The following TRIM13 variants were observed in gnomAD, a reference collection of about 807,000 sequenced individuals.
The protein encoded by TRIM13 is tripartite motif containing 13.
A neutral mutation model predicts 27.1 loss-of-function variants in TRIM13; 15 were observed. The observed-to-expected ratio is 0.55, with a 90% confidence interval of 0.37 to 0.85. The LOEUF is 0.85. TRIM13 is among the 40% of genes least tolerant of loss of function. The pLI is 0.00. For synonymous variants in TRIM13, 193 were observed against 171.5 expected, an observed-to-expected ratio of 1.13 and a Z score of -0.98; for missense variants, 402 against 472.2, an observed-to-expected ratio of 0.85 and a Z score of 1.38.
chr13:50,014,632 CAA>C lies in TRIM13; in HGVS notation c.*1469_*1470del, dbSNP rs921671895. 1.6e-4 allele frequency: 27 copies of C among 166,800 alleles called. No individual in the cohort carries two copies. Among genetic ancestry groups the C allele is most frequent in the African/African-American group, 5.3e-4 (22 of 41,484 alleles). 10.3% of individuals were successfully genotyped at this position (166,800 alleles called of 1,614,324 possible). The stretch of plus-strand genomic sequence containing the variant: ...ACACTAATGCTGTTCTGTCTGCTCA[CAA>C]GAGATAAAGATACCCTCTCATGGAA... On this transcript the variant is annotated 3_prime_UTR_variant, in exon 2 of 2. Transcript: ENST00000378182.
In TRIM13 at chr13:50,015,374, G is replaced by C; in HGVS notation, c.*2210G>C. 1 of 764,824 alleles carries C rather than the reference G, an allele frequency of 1.3e-6. No individual in the cohort carries two copies. The highest frequency in any genetic ancestry group is 2.2e-6 in the Non-Finnish European group (1 of 459,018). The allele number at this position is 764,824 out of a possible 1,614,324, so 47.4% of individuals were successfully genotyped here. On this transcript the variant is annotated 3_prime_UTR_variant, in exon 2 of 2. Transcript: ENST00000378182. ...GTAGTTTCCTGGGAATCTAAGTCTG[G>C]TTTTTGTTATTCTTCCCTCCCCTCC...
intron 1 of TRIM13, among the ~76,000 whole-genome samples, chr13:50,006,799 A>G (rs934696579): frequency 3.9e-5 from 6 of 152,158 alleles, no homozygotes; most frequent in Admixed American, 3.9e-4. Flanking sequence ...TTTTTGCAAT[A>G]TGACACTAAA....
chr13:50,001,380 G>T (rs1367279714), intron 1 of TRIM13, among the ~76,000 whole-genome samples: 3 of 151,444 alleles, frequency 2.0e-5, no homozygotes, highest in Non-Finnish European at 4.4e-5. Flanking sequence ...GTTTTTCTTA[G>T]TGCTCTGAAC....
chr13:50,003,109 C>T (rs1874253529), intron 1 of TRIM13, among the ~76,000 whole-genome samples: 1 of 151,692 alleles, frequency 6.6e-6, no homozygotes, highest in Non-Finnish European at 1.5e-5. Flanking sequence ...TTTTAATGAG[C>T]CATTTTATTA....
At chr13:50,009,623 G>C (rs1324302912) in intron 1 of TRIM13, among the ~76,000 whole-genome samples, 1 of 151,622 alleles carries the variant, frequency 6.6e-6, no homozygotes, top group African/African-American at 2.4e-5. Context: ...TGTAGGCCCA[G>C]CTACTTGGGA....
intron 1 of TRIM13, among the ~76,000 whole-genome samples, chr13:50,011,097 T>G (rs978948741): frequency 1.3e-5 from 2 of 152,244 alleles, no homozygotes; most frequent in South Asian, 2.1e-4. Context: ...CAGCGCTTCT[T>G]ACAGCTTTGC....
At position 50,015,119 on chromosome 13, in the gene TRIM13, A is replaced by AT. The variant is rs1876343492; in HGVS notation, c.*1956dup. 4 of 27,968 alleles carry AT rather than the reference A, an allele frequency of 1.4e-4. 1 individual carries two copies. The highest frequency in any genetic ancestry group is 3.2e-4 in the African/African-American group (3 of 9,416). The allele number at this position is 27,968 out of a possible 1,614,324, so 1.7% of individuals were successfully genotyped here. On this transcript the variant is annotated 3_prime_UTR_variant, in exon 2 of 2. Coordinates refer to ENST00000378182, the MANE Select transcript of TRIM13 (RefSeq NM_213590.3). Reference sequence around the variant, plus strand: ...AATATATATATATATATATATATATATATATATATATATATATATATATAT... The same window carrying AT: ...AATATATATATATATATATATATATATTATATATATATATATATATATATAT...
At chr13:50,010,725 A>G (rs1875524475) in intron 1 of TRIM13, among the ~76,000 whole-genome samples, 1 of 152,230 alleles carries the variant, frequency 6.6e-6, no homozygotes, top group African/African-American at 2.4e-5. Context: ...AGCAAGAGAT[A>G]CTGTCAATTG....
Position 50,015,139 on chromosome 13 carries a change from A to ATTATATATATATATATATAT in TRIM13, c.*1976_*1977insTATATATATATATATATATT, listed in dbSNP as rs1344021121. On this transcript the variant is annotated 3_prime_UTR_variant, in exon 2 of 2. Transcript: ENST00000378182. ...TATATATATATATATATATATATAT[A>ATTATATATATATATATATAT]TATATATATATAGTTTTACTAGGTT... 9.8e-6 allele frequency: 1 copy of ATTATATATATATATATATAT among 102,050 alleles called. No homozygotes were observed. Among genetic ancestry groups the ATTATATATATATATATATAT allele is most frequent in the Non-Finnish European group, 2.0e-5 (1 of 49,646 alleles). The allele number at this position is 102,050 out of a possible 1,614,324, so 6.3% of individuals were successfully genotyped here. A position where few individuals can be genotyped will look rare whatever the true frequency, so the allele number is the denominator to read the frequency against.
chr13:50,008,869 GA>G (rs917491783), intron 1 of TRIM13, among the ~76,000 whole-genome samples: 90 of 147,242 alleles, frequency 6.1e-4, no homozygotes, highest in African/African-American at 1.8e-3. Flanking sequence ...AAACTACAAA[GA>G]AAAAAAAAAT....
intron 1 of TRIM13, among the ~76,000 whole-genome samples, chr13:50,002,868 G>A (rs1174231530): frequency 1.3e-5 from 2 of 151,952 alleles, no homozygotes; most frequent in African/African-American, 4.8e-5. Flanking sequence ...TCACCATCTT[G>A]GCCAGGCTGA....
chr13:50,000,503 C>G (rs1873894737), intron 1 of TRIM13, among the ~76,000 whole-genome samples: 1 of 152,116 alleles, frequency 6.6e-6, no homozygotes. Context: ...AGAACAAACC[C>G]ATAAATGAGC....
At chr13:50,003,174 A>G (rs1409963609) in intron 1 of TRIM13, among the ~76,000 whole-genome samples, 2 of 152,228 alleles carry the variant, frequency 1.3e-5, no homozygotes, top group African/African-American at 4.8e-5. Flanking sequence ...AAAGCTTAGC[A>G]TAATTTAATG....
At chr13:50,002,904 AC>A (rs1256436675) in intron 1 of TRIM13, among the ~76,000 whole-genome samples, 1 of 152,062 alleles carries the variant, frequency 6.6e-6, no homozygotes, top group African/African-American at 2.4e-5. Context: ...CTCATGATCC[AC>A]CTGGCTCAGC....
In TRIM13 at chr13:50,012,273, G is replaced by A; in HGVS notation, c.333G>A (p.Gln111=). 6.2e-7 allele frequency: 1 copy of A among 1,614,172 alleles called. No homozygotes were observed. The highest frequency in any genetic ancestry group is 1.1e-5 in the South Asian group (1 of 91,078). The change falls in exon 2 of 2, where the codon CAG becomes CAA. Residue 111 remains glutamine, a synonymous_variant. Coordinates refer to ENST00000378182, the MANE Select transcript of TRIM13 (RefSeq NM_213590.3). ...ACATTTTCTGCCTGACTGATATGCA[G>A]CTGATTTGTGGGATCTGTGCTACTC... ...PLNIFCLTDM[Q]LICGICATRG... is the part of the protein sequence containing the mutation.
chr13:49,999,392 C>T (rs746728888), intron 1 of TRIM13, among the ~76,000 whole-genome samples: 4 of 152,124 alleles, frequency 2.6e-5, no homozygotes, highest in South Asian at 2.1e-4. Context: ...TATTTCTCAG[C>T]GTGAGGAACC....
intron 1 of TRIM13, among the ~76,000 whole-genome samples, chr13:50,009,539 C>G (rs903485673): frequency 6.6e-6 from 1 of 152,030 alleles, no homozygotes; most frequent in Non-Finnish European, 1.5e-5. Flanking sequence ...GAGTTCAAGA[C>G]CAGCCTGGCC....
Position 50,012,392 on chromosome 13 carries a change from C to A in TRIM13, c.452C>A (p.Thr151Asn). ...GAGTCCCTCTTCCAGAGCTTTGAGA[C>A]CTGGCGTCGGGGAGATGCTCTTTCT... ...AFESLFQSFE[T>N]WRRGDALSRL... Residue 151 changes from threonine to asparagine, a missense_variant, in exon 2 of 2, where the codon ACC becomes AAC. This residue lies in a region of TRIM13 where 202 missense variants were observed against 277.5 expected (regional missense o/e 0.73). Transcript: ENST00000378182. The A allele has an allele frequency of 1.2e-6, 2 of 1,614,100 alleles. No individual in the cohort carries two copies. The highest frequency in any genetic ancestry group is 2.2e-5 in the South Asian group (2 of 91,084).
intron 1 of TRIM13, among the ~76,000 whole-genome samples, chr13:50,007,779 TC>T (rs1874976104): frequency 2.0e-5 from 1 of 48,848 alleles, no homozygotes; most frequent in African/African-American, 5.4e-5. Flanking sequence ...TGAGACTTAG[TC>T]TCAAAAAAAA....
Sources: allele counts gnomAD v4.1 joint callset (sites outside exome capture counted in the v4.1 genomes callset), GRCh38; gene constraint gnomAD v4.1.1; regional missense constraint gnomAD v4.1.1; transcripts MANE v1.5; gene names NCBI Gene and HGNC (gene_info 2026-07-23, HGNC 2026-07-21).